Variants in DLGAP2 observed in about 807,000 individuals in gnomAD.
DLGAP2 encodes the protein disks large-associated protein 2.
In DLGAP2, 26 loss-of-function variants were observed where a neutral mutation model predicts 100.3. The observed-to-expected ratio is 0.26, with a 90% CI of 0.19 to 0.36. The LOEUF is 0.36. DLGAP2 is among the 10% of genes least tolerant of loss of function. The probability of loss-of-function intolerance (pLI) is 1.00; values close to 1 mark genes in which losing one functional copy is unlikely to be tolerated. For synonymous variants in DLGAP2, 886 were observed against 630.1 expected, an observed-to-expected ratio of 1.41 and a Z score of -6.08; for missense variants, 1,858 against 1,453.2, an observed-to-expected ratio of 1.28 and a Z score of -4.53.
At chr8:1,169,257 C>G (rs1001746848) in intron 2 of DLGAP2, among the ~76,000 whole-genome samples, 7 of 152,174 alleles carry the variant, frequency 4.6e-5, no homozygotes, top group Non-Finnish European at 8.8e-5. Flanking sequence ...GTTTTGGTAC[C>G]AGTACCATGC....
chr8:1,235,898 G>A (rs542748803), intron 2 of DLGAP2, among the ~76,000 whole-genome samples: 1 of 3,556 alleles, frequency 2.8e-4, no homozygotes, highest in African/African-American at 2.4e-3. Flanking sequence ...ACATGGCGCC[G>A]TGTCTAGTTC....
chr8:1,459,873 A>G (rs1798425860), intron 3 of DLGAP2, among the ~76,000 whole-genome samples: 1 of 151,874 alleles, frequency 6.6e-6, no homozygotes, highest in Non-Finnish European at 1.5e-5. Context: ...TTTAGTAGAG[A>G]CAGGGTTTCA....
intron 2 of DLGAP2, among the ~76,000 whole-genome samples, chr8:930,212 G>T: frequency 6.6e-6 from 1 of 152,188 alleles, no homozygotes. Flanking sequence ...TGCCTTCCTG[G>T]AGGAAGCAAA....
chr8:1,282,227 G>A (rs1799832220), intron 3 of DLGAP2, among the ~76,000 whole-genome samples: 2 of 110,146 alleles, frequency 1.8e-5, no homozygotes. Context: ...CCAGCCCCCT[G>A]AACCATCAGG....
intron 2 of DLGAP2, among the ~76,000 whole-genome samples, chr8:1,190,789 C>T (rs370319151): frequency 2.4e-4 from 37 of 152,140 alleles, no homozygotes; most frequent in East Asian, 2.1e-3. Context: ...TCCAGGTGCA[C>T]GCAGCAGCAA....
At chr8:1,469,488 G>A (rs765894559) in intron 3 of DLGAP2, among the ~76,000 whole-genome samples, 17 of 152,172 alleles carry the variant, frequency 1.1e-4, no homozygotes, top group Non-Finnish European at 1.8e-4. Flanking sequence ...AGGTTTCTTC[G>A]GAAGCTACTG....
intron 4 of DLGAP2, among the ~76,000 whole-genome samples, chr8:1,546,641 T>C (rs991489690): frequency 6.6e-6 from 1 of 152,112 alleles, no homozygotes; most frequent in African/African-American, 2.4e-5. Context: ...TTGGACACGA[T>C]GGGAAAACTC....
chr8:1,323,442 A>G (rs1800951539), intron 3 of DLGAP2, among the ~76,000 whole-genome samples: 1 of 152,190 alleles, frequency 6.6e-6, no homozygotes, highest in African/African-American at 2.4e-5. Flanking sequence ...TAGTAAGTTT[A>G]CGTGACAACC....
chr8:804,389 C>T (rs1223581740), intron 1 of DLGAP2, among the ~76,000 whole-genome samples: 1 of 152,162 alleles, frequency 6.6e-6, no homozygotes, highest in East Asian at 1.9e-4. Context: ...CATATCCCGG[C>T]CCTCCTGCCT....
intron 3 of DLGAP2, among the ~76,000 whole-genome samples, chr8:1,440,597 C>T (rs1797801858): frequency 1.3e-5 from 2 of 152,184 alleles, no homozygotes; most frequent in Admixed American, 6.6e-5. Context: ...GGGAAAACGG[C>T]AGAAATTTTA....
chr8:1,699,988 T>TTAAAG (rs544093428), intron 14 of DLGAP2, among the ~76,000 whole-genome samples: 2 of 152,346 alleles, frequency 1.3e-5, no homozygotes, highest in South Asian at 4.1e-4. Context: ...GAATTACTTG[T>TTAAAG]TAAAGTAGCT....
At chr8:1,069,356 G>A (rs1374174827) in intron 2 of DLGAP2, among the ~76,000 whole-genome samples, 1 of 152,166 alleles carries the variant, frequency 6.6e-6, no homozygotes, top group Non-Finnish European at 1.5e-5. Context: ...AGGTCGCGAG[G>A]ACACCAGGTC....
intron 1 of DLGAP2, among the ~76,000 whole-genome samples, chr8:790,211 T>TGTTTGACAGGAACAGA (rs1821991020): frequency 6.6e-6 from 1 of 151,784 alleles, no homozygotes; most frequent in African/African-American, 2.4e-5. Flanking sequence ...AGAAAAGGGG[T>TGTTTGACAGGAACAGA]AAAGGAGGCT....
intron 2 of DLGAP2, among the ~76,000 whole-genome samples, chr8:1,024,963 C>G (rs935880107): frequency 7.9e-5 from 12 of 152,172 alleles, no homozygotes; most frequent in African/African-American, 2.2e-4. Context: ...GGGTCTCTCC[C>G]TTTCGGGAGC....
intron 1 of DLGAP2, among the ~76,000 whole-genome samples, chr8:758,380 C>G (rs1820974141): frequency 6.6e-6 from 1 of 152,004 alleles, no homozygotes; most frequent in Non-Finnish European, 1.5e-5. Flanking sequence ...TATTTAAAAA[C>G]TTAAAAATGA....
At chr8:1,303,168 C>T (rs538542740) in intron 3 of DLGAP2, among the ~76,000 whole-genome samples, 9 of 152,200 alleles carry the variant, frequency 5.9e-5, no homozygotes, top group African/African-American at 1.7e-4. Flanking sequence ...AAGGCCGAGG[C>T]GGGTGGATCA....
chr8:1,082,741 T>G (rs1335439665), intron 2 of DLGAP2, among the ~76,000 whole-genome samples: 2 of 152,208 alleles, frequency 1.3e-5, no homozygotes, highest in Non-Finnish European at 2.9e-5. Context: ...AAAAATTTTA[T>G]CTAGATTGAA....
chr8:975,700 C>T (rs1800144656), intron 2 of DLGAP2, among the ~76,000 whole-genome samples: 1 of 152,174 alleles, frequency 6.6e-6, no homozygotes, highest in African/African-American at 2.4e-5. Context: ...ATAAAACTCT[C>T]TACAAAATAA....
At position 1,166,994 on chromosome 8, in the gene DLGAP2, G is replaced by T. The variant is rs373294641; in HGVS notation, c.74-91857G>T. ...AAAAAATTTTACAAAAACTTATCTG[G>T]GTGTGGTGGCATGCACCTGTAGTCC... On this transcript the variant is annotated intron_variant, in intron 2 of 14. Coordinates refer to ENST00000637795, the MANE Select transcript of DLGAP2 (RefSeq NM_001346810.2). Among the ~76,000 whole-genome samples the T allele has an allele frequency of 1.0e-3, 159 of 152,188 alleles. 5 individuals carry two copies. In the South Asian group the frequency reaches 0.028, roughly 27 times the overall value.
Sources: allele counts gnomAD v4.1 joint callset (sites outside exome capture counted in the v4.1 genomes callset), GRCh38; gene constraint gnomAD v4.1.1; transcripts MANE v1.5; gene names NCBI Gene and HGNC (gene_info 2026-07-23, HGNC 2026-07-21).